The following BMPER variants were observed in gnomAD, a reference collection of about 807,000 sequenced individuals.
BMPER encodes the protein BMP binding endothelial regulator.
In BMPER, 45 loss-of-function variants were observed where a neutral mutation model predicts 87.3. The observed-to-expected ratio is 0.52, with a 90% confidence interval of 0.41 to 0.66. The LOEUF is 0.66. BMPER is among the 30% of genes least tolerant of loss of function. The pLI, the probability that BMPER is intolerant of heterozygous loss-of-function variation, is 0.00. For missense variants in BMPER, 784 were observed against 867.5 expected (o/e 0.90, Z 1.21); for synonymous variants, 326 against 316.2 (o/e 1.03, Z -0.33).
chr7:34,018,535 A>G (rs1271601399), intron 6 of BMPER, among the ~76,000 whole-genome samples: 1 of 151,922 alleles, frequency 6.6e-6, no homozygotes, highest in Non-Finnish European at 1.5e-5. Context: ...ATGCCTCGCA[A>G]AAGTTGAGAG....
At position 34,119,852 on chromosome 7, in the gene BMPER, A is replaced by G. The variant is rs557397776; in HGVS notation, c.1746-23378A>G. ...CTTTGCAAGGGGAATACCTAACAGA[A>G]TGACACAGAAAAATTGAAAGTAAAG... On this transcript the variant is annotated intron_variant, in intron 13 of 14. Coordinates refer to ENST00000649409, the MANE Select transcript of BMPER (RefSeq NM_001365308.1). Among the ~76,000 whole-genome samples the G allele has an allele frequency of 2.0e-5, 3 of 152,198 alleles. No individual in the cohort carries two copies. In the South Asian group the frequency reaches 6.2e-4, roughly 32 times the overall value.
chr7:34,154,703 C>A lies in BMPER; in HGVS notation c.*1430C>A, dbSNP rs1478801975. The stretch of plus-strand genomic sequence containing the variant: ...ATGCTCGTCAAAGACATTTATGTTT[C>A]TTTTACATTCATGACAGCTAAAGTA... On this transcript the variant is annotated 3_prime_UTR_variant, in exon 15 of 15. Transcript: ENST00000649409. 6.6e-6 allele frequency: 1 copy of A among 151,022 alleles called. No individual in the cohort carries two copies. The allele number at this position is 151,022 out of a possible 1,614,324, so 9.4% of individuals were successfully genotyped here.
At chr7:33,991,892 A>G (rs1242411765) in intron 6 of BMPER, among the ~76,000 whole-genome samples, 1 of 140,740 alleles carries the variant, frequency 7.1e-6, no homozygotes, top group African/African-American at 2.7e-5. Context: ...GTCATTCAGG[A>G]GCAGGTTGTT....
At chr7:33,953,707 T>C (rs4265098) in intron 3 of BMPER, among the ~76,000 whole-genome samples, 5,409 of 152,278 alleles carry the variant, frequency 0.036, 216 homozygotes, top group African/African-American at 0.096. Flanking sequence ...ATTAAGTACA[T>C]TCACATTGTT....
chr7:34,049,151 G>A (rs1391688550), intron 7 of BMPER, among the ~76,000 whole-genome samples: 1 of 152,130 alleles, frequency 6.6e-6, no homozygotes, highest in East Asian at 1.9e-4. Context: ...TCTCAATGGA[G>A]AGTCTCAGCA....
At chr7:33,921,856 G>A in intron 2 of BMPER, 1 of 470,860 alleles carries the variant, frequency 2.1e-6, no homozygotes, top group Non-Finnish European at 4.4e-6. Flanking sequence ...TGCATCTGGA[G>A]GAACCAGACG....
At chr7:34,115,315 A>G (rs1344833418) in intron 13 of BMPER, among the ~76,000 whole-genome samples, 1 of 152,210 alleles carries the variant, frequency 6.6e-6, no homozygotes, top group East Asian at 1.9e-4. Flanking sequence ...TTCTTTAAAA[A>G]CTAAAAAACA....
chr7:34,059,897 C>G (rs1185816419), intron 10 of BMPER, among the ~76,000 whole-genome samples: 3 of 152,072 alleles, frequency 2.0e-5, no homozygotes, highest in Non-Finnish European at 4.4e-5. Flanking sequence ...CTCTCCTCCC[C>G]CATCCTGCAA....
chr7:34,001,336 A>C (rs1270661218), intron 6 of BMPER, among the ~76,000 whole-genome samples: 1 of 151,834 alleles, frequency 6.6e-6, no homozygotes, highest in Non-Finnish European at 1.5e-5. Flanking sequence ...ATACTTATTA[A>C]ATTTCTTCAT....
rs1789844545 is a variant in BMPER at position 34,107,337 on chromosome 7, T to C, written c.1745+21245T>C. Among the ~76,000 whole-genome samples, 5 of 152,214 alleles carry C rather than the reference T, an allele frequency of 3.3e-5. No individual in the cohort carries two copies. In the South Asian group the frequency reaches 1.0e-3, roughly 32 times the overall value. The stretch of plus-strand genomic sequence containing the variant: ...TCAGCACAGAGCATCTTAATCTCAA[T>C]TGGGAGATGCCAATTTGGATGAGCT... On this transcript the variant is annotated intron_variant, in intron 13 of 14. Coordinates refer to ENST00000649409, the MANE Select transcript of BMPER (RefSeq NM_001365308.1).
chr7:33,994,666 G>T (rs1283294620), intron 6 of BMPER, among the ~76,000 whole-genome samples: 1 of 152,170 alleles, frequency 6.6e-6, no homozygotes, highest in Non-Finnish European at 1.5e-5. Flanking sequence ...TTTTGCCTTT[G>T]CTGTTAGATT....
chr7:34,127,126 A>G (rs182389661), intron 13 of BMPER, among the ~76,000 whole-genome samples: 19 of 152,312 alleles, frequency 1.2e-4, no homozygotes, highest in African/African-American at 4.6e-4. Flanking sequence ...CCTTGTTTTT[A>G]TGGCTTGTGT....
intron 7 of BMPER, among the ~76,000 whole-genome samples, chr7:34,047,815 C>CTTCCTTCCTTCCTTCCTTCCTTCCT: frequency 6.8e-6 from 1 of 146,550 alleles, no homozygotes; most frequent in Non-Finnish European, 1.5e-5. Context: ...TCCTTTCTTC[C>CTTCCTTCCTTCCTTCCTTCCTTCCT]TCACTTTCCT....
At chr7:34,141,920 C>A (rs537779900) in intron 13 of BMPER, among the ~76,000 whole-genome samples, 1 of 152,244 alleles carries the variant, frequency 6.6e-6, no homozygotes, top group South Asian at 2.1e-4. Flanking sequence ...CGATTTTATA[C>A]CCAGAGGTAG....
At chr7:34,050,996 A>G (rs756689362) in intron 7 of BMPER, among the ~76,000 whole-genome samples, 15 of 152,204 alleles carry the variant, frequency 9.9e-5, no homozygotes, top group Non-Finnish European at 1.9e-4. Flanking sequence ...ATAAAATACT[A>G]TAAACTCTGT....
Position 34,085,855 on chromosome 7 carries a change from A to T in BMPER, c.1508A>T (p.His503Leu). 6.2e-7 allele frequency: 1 copy of T among 1,614,230 alleles called. No individual in the cohort carries two copies. Among genetic ancestry groups the T allele is most frequent in the Non-Finnish European group, 8.5e-7 (1 of 1,180,044 alleles). ...LCGLCGNYNG[H>L]KRDDLIGGDG... The stretch of plus-strand genomic sequence containing the variant: ...GGTCTTTGTGGCAACTACAATGGAC[A>T]TAAACGTGATGACTTAATTGGTGGA... Residue 503 changes from histidine (H) to leucine (L), a missense_variant, in exon 13 of 15, where the codon CAT becomes CTT. Coordinates refer to ENST00000649409, the MANE Select transcript of BMPER (RefSeq NM_001365308.1).
At chr7:33,926,168 G>C (rs771839630) in intron 2 of BMPER, among the ~76,000 whole-genome samples, 1 of 152,162 alleles carries the variant, frequency 6.6e-6, no homozygotes, top group Admixed American at 6.5e-5. Flanking sequence ...CATAGTACCT[G>C]GCCTGCCATA....
At chr7:33,995,162 T>C (rs1786369206) in intron 6 of BMPER, among the ~76,000 whole-genome samples, 2 of 152,182 alleles carry the variant, frequency 1.3e-5, no homozygotes, top group African/African-American at 4.8e-5. Context: ...AAGTCTTTAC[T>C]TATGATTGTG....
intron 11 of BMPER, among the ~76,000 whole-genome samples, chr7:34,075,047 T>G (rs759253196): frequency 1.4e-4 from 22 of 152,164 alleles, no homozygotes; most frequent in Non-Finnish European, 8.8e-5. Context: ...TAATTTTCCC[T>G]TAATTTTCTT....
Sources: gnomAD v4.1 joint callset for allele counts (sites outside exome capture counted in the v4.1 genomes callset) on GRCh38, gnomAD v4.1.1 for gene constraint, MANE v1.5 for transcripts, NCBI Gene and HGNC (gene_info 2026-07-23, HGNC 2026-07-21) for gene names.